CHODL: variants seen among roughly 807,000 people sequenced by gnomAD.
The protein encoded by CHODL is chondrolectin, also known as transmembrane protein MT75.
A neutral mutation model predicts 34.5 loss-of-function variants in CHODL; 29 were observed. The ratio of observed to expected loss-of-function variants is 0.84; its 90% CI spans 0.63 to 1.15. The LOEUF is 1.15. Ranked by LOEUF, CHODL falls within the 50% of genes most tolerant of loss-of-function variation. The pLI is 0.00. For synonymous variants in CHODL, 125 were observed against 116.1 expected, an observed-to-expected ratio of 1.08 and a Z score of -0.49; for missense variants, 332 against 332.5, an observed-to-expected ratio of 1.00 and a Z score of 0.01.
At chr21:17,944,301 C>T (rs751579501) in intron 1 of CHODL, among the ~76,000 whole-genome samples, 1 of 152,190 alleles carries the variant, frequency 6.6e-6, no homozygotes, top group Non-Finnish European at 1.5e-5. Context: ...GGCTCTACAC[C>T]AGCCTAACCC....
chr21:18,002,030 G>A (rs1416903756), intron 1 of CHODL, among the ~76,000 whole-genome samples: 6 of 152,014 alleles, frequency 3.9e-5, no homozygotes, highest in Admixed American at 2.6e-4. Flanking sequence ...ATTGCTGCCC[G>A]TGTTTGTGTC....
chr21:18,084,442 C>A (rs751345172), intron 2 of CHODL, among the ~76,000 whole-genome samples: 1 of 151,804 alleles, frequency 6.6e-6, no homozygotes, highest in Non-Finnish European at 1.5e-5. Flanking sequence ...TTGCTGTATC[C>A]CACAGGTGTT....
chr21:17,958,614 C>T (rs924773102), intron 1 of CHODL, among the ~76,000 whole-genome samples: 1 of 151,946 alleles, frequency 6.6e-6, no homozygotes, highest in Non-Finnish European at 1.5e-5. Context: ...GTGTTGGAAG[C>T]CAGAGGGATA....
At chr21:18,027,716 A>T (rs1319667203) in intron 1 of CHODL, among the ~76,000 whole-genome samples, 1 of 152,146 alleles carries the variant, frequency 6.6e-6, no homozygotes, top group East Asian at 1.9e-4. Flanking sequence ...TCAAATTCAT[A>T]TGTTGAAATT....
At chr21:18,103,131 T>A (rs56023422) in intron 2 of CHODL, among the ~76,000 whole-genome samples, 2,084 of 152,336 alleles carry the variant, frequency 0.014, 48 homozygotes, top group African/African-American at 0.047. Flanking sequence ...GTTTGTAGCC[T>A]CTTCTCTTAT....
chr21:17,928,353 G>A (rs137917409), intron 1 of CHODL, among the ~76,000 whole-genome samples: 3 of 152,232 alleles, frequency 2.0e-5, no homozygotes, highest in Non-Finnish European at 2.9e-5. Context: ...GCCATGTCCC[G>A]GGATTAAAAG....
intron 2 of CHODL, among the ~76,000 whole-genome samples, chr21:18,064,193 C>T (rs745942011): frequency 4.7e-4 from 71 of 152,154 alleles, no homozygotes; most frequent in Middle Eastern, 3.4e-3. Context: ...CCATCTCTCC[C>T]ATGTCATAGC....
At chr21:18,075,759 T>C (rs1350971609) in intron 2 of CHODL, among the ~76,000 whole-genome samples, 1 of 152,146 alleles carries the variant, frequency 6.6e-6, no homozygotes, top group Non-Finnish European at 1.5e-5. Context: ...GGTCTAAATG[T>C]TATTGTACCC....
intron 1 of CHODL, among the ~76,000 whole-genome samples, chr21:17,963,063 CAA>C (rs752553578): frequency 1.2e-4 from 16 of 136,500 alleles, no homozygotes; most frequent in African/African-American, 4.3e-4. Context: ...GACTATGTCT[CAA>C]AAAAAAAAAA....
At chr21:18,164,645 C>T (rs985057063) in intron 2 of CHODL, among the ~76,000 whole-genome samples, 11 of 152,028 alleles carry the variant, frequency 7.2e-5, no homozygotes, top group African/African-American at 2.7e-4. Flanking sequence ...GAGAAATATC[C>T]TAATGATTCT....
chr21:18,147,930 C>A (rs1056504021), intron 2 of CHODL, among the ~76,000 whole-genome samples: 1 of 152,160 alleles, frequency 6.6e-6, no homozygotes, highest in Non-Finnish European at 1.5e-5. Flanking sequence ...TCACCAGTTG[C>A]CAGTGATTGG....
chr21:18,149,363 A>G (rs2072936905), intron 2 of CHODL, among the ~76,000 whole-genome samples: 1 of 152,138 alleles, frequency 6.6e-6, no homozygotes, highest in African/African-American at 2.4e-5. Flanking sequence ...AGAAATACAC[A>G]CAATTGCTCT....
At chr21:18,228,425 T>C (rs11910578) in intron 2 of CHODL, among the ~76,000 whole-genome samples, 10,430 of 152,206 alleles carry the variant, frequency 0.069, 433 homozygotes, top group African/African-American at 0.11. Context: ...GGTTTTATCT[T>C]AATGGCTGCA....
chr21:17,998,638 C>T (rs1446624878), intron 1 of CHODL, among the ~76,000 whole-genome samples: 1 of 152,256 alleles, frequency 6.6e-6, no homozygotes, highest in Non-Finnish European at 1.5e-5. Flanking sequence ...TGTGCACCCA[C>T]AGGCTCAACA....
At chr21:18,258,210 A>G (rs1014983475) in intron 3 of CHODL, among the ~76,000 whole-genome samples, 1 of 151,694 alleles carries the variant, frequency 6.6e-6, no homozygotes, top group Non-Finnish European at 1.5e-5. Context: ...TGGTGAGTTT[A>G]TTCTTTAACC....
chr21:18,183,933 G>A (rs532484336), intron 2 of CHODL, among the ~76,000 whole-genome samples: 1 of 152,214 alleles, frequency 6.6e-6, no homozygotes, highest in East Asian at 1.9e-4. Flanking sequence ...TTTTTAGCCT[G>A]AAAACACATT....
intron 2 of CHODL, among the ~76,000 whole-genome samples, chr21:18,124,428 A>G (rs2065517889): frequency 6.6e-6 from 1 of 152,170 alleles, no homozygotes; most frequent in Non-Finnish European, 1.5e-5. Context: ...GCTTAGAAAT[A>G]TGTCTTCTTG....
intron 2 of CHODL, among the ~76,000 whole-genome samples, chr21:18,060,171 C>T (rs552030029): frequency 6.6e-6 from 1 of 152,046 alleles, no homozygotes; most frequent in Non-Finnish European, 1.5e-5. Context: ...AAATGTCAAA[C>T]TAGCCAGGCA....
chr21:17,957,537 C>T (rs558872861), intron 1 of CHODL, among the ~76,000 whole-genome samples: 61 of 152,136 alleles, frequency 4.0e-4, no homozygotes, highest in Admixed American at 1.5e-3. Flanking sequence ...TGTGATGGGA[C>T]CATGAATAGT....
Sources: allele counts gnomAD v4.1 joint callset (sites outside exome capture counted in the v4.1 genomes callset), GRCh38; gene constraint gnomAD v4.1.1; transcripts MANE v1.5; gene names NCBI Gene and HGNC (gene_info 2026-07-23, HGNC 2026-07-21).